Variants in ABCC1 observed in about 807,000 individuals in gnomAD.
ABCC1 encodes ATP binding cassette subfamily C member 1 (ABCC1 blood group).
In ABCC1, 83 loss-of-function variants were observed where a neutral mutation model predicts 172.9. The ratio of observed to expected loss-of-function variants is 0.48; its 90% CI spans 0.40 to 0.58. The LOEUF is 0.58. Ranked by LOEUF, ABCC1 falls within the 20% of genes least tolerant of loss-of-function variation. The pLI is 0.00. For missense variants in ABCC1, 1,817 were observed against 2,002.7 expected, an observed-to-expected ratio of 0.91 and a Z score of 1.77; for synonymous variants, 937 against 825.2, an observed-to-expected ratio of 1.14 and a Z score of -2.32.
intron 3 of ABCC1, among the ~76,000 whole-genome samples, chr16:16,011,774 A>C: frequency 6.6e-6 from 1 of 151,808 alleles, no homozygotes; most frequent in East Asian, 1.9e-4. Context: ...GATTCAAGCG[A>C]TTCTCCTGCC....
At chr16:16,083,126 G>T (rs1472303833) in intron 16 of ABCC1, among the ~76,000 whole-genome samples, 1 of 152,156 alleles carries the variant, frequency 6.6e-6, no homozygotes, top group African/African-American at 2.4e-5. Context: ...TCTTATCAAC[G>T]AGGATATCAA....
At chr16:15,949,611 G>GCCGCCGCCGCCGCCGC (rs1555470975), upstream of ABCC1, 2 of 163,454 alleles carry the variant, frequency 1.2e-5, no homozygotes, top group Non-Finnish European at 2.3e-5. Flanking sequence ...CCGGCTCCCT[G>GCCGCCGCCGCCGCCGC]CGCCGCCGCC....
chr16:16,075,008 A>G (rs2050501284), intron 14 of ABCC1, among the ~76,000 whole-genome samples: 1 of 146,118 alleles, frequency 6.8e-6, no homozygotes, highest in Non-Finnish European at 1.5e-5. Flanking sequence ...GTGCAATGGC[A>G]CGATCTTGGC....
chr16:16,102,775 AGAG>A (rs2051828105), intron 20 of ABCC1, 58 bp downstream of exon 20: 24 of 1,512,742 alleles, frequency 1.6e-5, no homozygotes, highest in Non-Finnish European at 2.1e-5. Context: ...TGGGAGGACA[AGAG>A]GAGGAACAAA....
chr16:16,013,316 G>C (rs897627492), intron 3 of ABCC1, among the ~76,000 whole-genome samples: 1 of 151,582 alleles, frequency 6.6e-6, no homozygotes, highest in Non-Finnish European at 1.5e-5. Flanking sequence ...TGTCGCCCAG[G>C]CTGGAATGCA....
chr16:15,984,511 T>C (rs2046700990), intron 1 of ABCC1, among the ~76,000 whole-genome samples: 1 of 150,390 alleles, frequency 6.6e-6, no homozygotes, highest in African/African-American at 2.5e-5. Context: ...GGCGTGATCG[T>C]GGCTCACTGC....
At chr16:16,023,234 C>T (rs1232927449) in intron 5 of ABCC1, among the ~76,000 whole-genome samples, 1 of 152,140 alleles carries the variant, frequency 6.6e-6, no homozygotes, top group Admixed American at 6.6e-5. Flanking sequence ...CTGAAACTTC[C>T]TTCGAAATAT....
At chr16:16,018,803 T>TTGAATATG (rs56287964) in intron 5 of ABCC1, among the ~76,000 whole-genome samples, 18 of 151,244 alleles carry the variant, frequency 1.2e-4, no homozygotes, top group Admixed American at 3.9e-4. Flanking sequence ...ATGTGTGTGT[T>TTGAATATG]TGTGTGTGTG....
In ABCC1 at chr16:16,086,801, C is replaced by G. The variant is rs748226268; in HGVS notation, c.2293-23C>G. 8 of 1,610,834 alleles carry G rather than the reference C, an allele frequency of 5.0e-6. No individual in the cohort carries two copies. The South Asian group carries it at 8.8e-5, about 18-fold the overall frequency. ...GTCTCAAGATTTCCCAGGAAACCCA[C>G]TCCTGTGTGTGTCTCTCCCCAGGGC... is the stretch of plus-strand genomic sequence containing the variant. On this transcript the variant is annotated intron_variant, in intron 17 of 30. Coordinates refer to ENST00000399410, the MANE Select transcript of ABCC1 (RefSeq NM_004996.4).
At chr16:16,101,345 A>G (rs952168857) in intron 19 of ABCC1, among the ~76,000 whole-genome samples, 11 of 151,960 alleles carry the variant, frequency 7.2e-5, no homozygotes, top group African/African-American at 2.7e-4. Flanking sequence ...CCACCTGCTC[A>G]TTTATAAAGC....
chr16:15,988,340 G>T (rs932283212), intron 1 of ABCC1, among the ~76,000 whole-genome samples: 2 of 152,136 alleles, frequency 1.3e-5, no homozygotes, highest in Non-Finnish European at 2.9e-5. Flanking sequence ...TAGGCTGTCA[G>T]CTCCAGGAGG....
At chr16:16,109,978 A>G (rs2052314004) in intron 21 of ABCC1, among the ~76,000 whole-genome samples, 1 of 151,830 alleles carries the variant, frequency 6.6e-6, no homozygotes, top group South Asian at 2.1e-4. Context: ...CTGCCCCATG[A>G]TCTCCTGGCT....
At chr16:16,036,148 T>C (rs181299027) in intron 6 of ABCC1, among the ~76,000 whole-genome samples, 343 of 149,946 alleles carry the variant, frequency 2.3e-3, no homozygotes, top group African/African-American at 8.1e-3. Context: ...AATGAACGAA[T>C]AATAAAAAAT....
intron 23 of ABCC1, 38 bp from the exon 24 acceptor site, chr16:16,121,937 A>G: frequency 6.2e-7 from 1 of 1,604,298 alleles, no homozygotes; most frequent in Non-Finnish European, 8.5e-7. Flanking sequence ...GGCAGGAGGG[A>G]ACCTTCATCA....
At chr16:15,971,744 C>A (rs963856750) in intron 1 of ABCC1, among the ~76,000 whole-genome samples, 1 of 152,120 alleles carries the variant, frequency 6.6e-6, no homozygotes, top group African/African-American at 2.4e-5. Flanking sequence ...AGTTTGATTG[C>A]TTCAGTCTGA....
rs10648689 is a variant in ABCC1 at position 16,091,404 on chromosome 16, C to CAAA, written c.2644+833_2644+835dup. Among the ~76,000 whole-genome samples, 492 of 108,602 alleles carry CAAA rather than the reference C, an allele frequency of 4.5e-3. 6 individuals carry two copies. The highest frequency in any genetic ancestry group is 0.022 in the South Asian group (64 of 2,890). 71.2% of individuals were successfully genotyped at this position (108,602 alleles called of 152,430 possible). ...CCAACATACTGAAACCCCAACTCTA[C>CAAA]AAAAAAAAAAAAAAAAAAATTCAGA... On this transcript the variant is annotated intron_variant, in intron 19 of 30. Transcript: ENST00000399410.
rs1001891496 is a variant in ABCC1, at chr16:16,036,514, C to T, written c.720C>T (p.Asp240=). ...RGYRQPLEGS[D]LWSLNKEDTS... is the part of the protein sequence containing the mutation. ...ACCGCCAGCCCCTGGAGGGCAGTGACCTCTGGTCCTTAAACAAGGAGGACA... is the reference window on the plus strand; with the variant it reads ...ACCGCCAGCCCCTGGAGGGCAGTGATCTCTGGTCCTTAAACAAGGAGGACA... The change falls in exon 7 of 31, where the codon GAC becomes GAT. Residue 240 remains aspartate (D), a synonymous_variant. Transcript: ENST00000399410. 4.3e-6 allele frequency: 7 copies of T among 1,613,966 alleles called. No homozygotes were observed. Among genetic ancestry groups the T allele is most frequent in the Non-Finnish European group, 5.1e-6 (6 of 1,179,976 alleles).
intron 27 of ABCC1, among the ~76,000 whole-genome samples, chr16:16,133,490 G>C (rs775650358): frequency 6.6e-6 from 1 of 151,964 alleles, no homozygotes; most frequent in Non-Finnish European, 1.5e-5. Flanking sequence ...TGCAACCTCC[G>C]TCCCCTGGGT....
Position 16,121,909 on chromosome 16 carries a change from G to C in ABCC1, c.3391-66G>C, listed in dbSNP as rs1044045140. On this transcript the variant is annotated intron_variant, in intron 23 of 30. Transcript: ENST00000399410. ...TTACGTCTAGATGTTCTCCAGCACA[G>C]CCCTGCCCTGGGAGGATGGCAGGAG... The C allele has an allele frequency of 5.4e-5, 84 of 1,555,122 alleles. 1 individual carries two copies. The South Asian group carries it at 9.0e-4, about 17-fold the overall frequency.
Sources: allele counts gnomAD v4.1 joint callset (sites outside exome capture counted in the v4.1 genomes callset), GRCh38; gene constraint gnomAD v4.1.1; transcripts MANE v1.5; gene names NCBI Gene and HGNC (gene_info 2026-07-23, HGNC 2026-07-21).